Variants in DPH5 observed in about 807,000 individuals in gnomAD.
DPH5 encodes the protein diphthamide biosynthesis 5.
In DPH5, 31 loss-of-function variants were observed where a neutral mutation model predicts 31.6. That is an observed-to-expected ratio of 0.98 (90% CI 0.74 to 1.32). DPH5 has a LOEUF of 1.32. Ranked by LOEUF, DPH5 falls within the 40% of genes most tolerant of loss-of-function variation. The pLI, the probability that DPH5 is intolerant of heterozygous loss-of-function variation, is 0.00. For synonymous variants in DPH5, 120 were observed against 115.0 expected (o/e 1.04, Z -0.28); for missense variants, 309 against 335.7 (o/e 0.92, Z 0.62).
At chr1:101,013,847 A>G (rs1311672098) in intron 3 of DPH5, 29 bp from the exon 4 acceptor site, 2 of 1,539,114 alleles carry the variant, frequency 1.3e-6, no homozygotes, top group Non-Finnish European at 1.8e-6. Flanking sequence ...AGATTGGATT[A>G]AAGCAAACAA....
At chr1:101,019,884 G>C (rs1177588819) in intron 3 of DPH5, among the ~76,000 whole-genome samples, 1 of 152,022 alleles carries the variant, frequency 6.6e-6, no homozygotes, top group African/African-American at 2.4e-5. Context: ...TAGCATCTGA[G>C]CTGTATACTA....
intron 5 of DPH5, among the ~76,000 whole-genome samples, chr1:100,997,331 T>G (rs1234868635): frequency 3.3e-5 from 5 of 152,152 alleles, no homozygotes; most frequent in African/African-American, 1.2e-4. Context: ...TTCCAAAGCT[T>G]CTGAAAAGAT....
At chr1:100,999,451 T>C (rs1466176031) in intron 5 of DPH5, among the ~76,000 whole-genome samples, 1 of 152,028 alleles carries the variant, frequency 6.6e-6, no homozygotes, top group Admixed American at 6.6e-5. Context: ...CCTTGTCTCT[T>C]AAACAAACAA....
chr1:100,995,034 A>G (rs763260699), intron 6 of DPH5, 76 bp downstream of exon 6: 17 of 1,024,992 alleles, frequency 1.7e-5, no homozygotes, highest in Admixed American at 9.7e-5. Flanking sequence ...TTTAGAACTC[A>G]GGTCATTTAA....
intron 2 of DPH5, chr1:101,023,457 T>G (rs1398647168): frequency 6.6e-6 from 1 of 152,230 alleles, no homozygotes; most frequent in Non-Finnish European, 1.5e-5. Flanking sequence ...AAACAGATAT[T>G]CCAGCACCTT....
At chr1:101,000,113 C>T (rs974583600) in intron 5 of DPH5, among the ~76,000 whole-genome samples, 5 of 150,630 alleles carry the variant, frequency 3.3e-5, no homozygotes, top group Non-Finnish European at 7.4e-5. Flanking sequence ...CACCACTGCA[C>T]TCCAGCCTGG....
At chr1:100,997,717 T>G (rs994587495) in intron 5 of DPH5, among the ~76,000 whole-genome samples, 17 of 152,252 alleles carry the variant, frequency 1.1e-4, no homozygotes, top group Admixed American at 1.1e-3. Context: ...AGCCTGCCTC[T>G]CAGATTCTTC....
chr1:101,013,451 C>T (rs1016511119), intron 4 of DPH5, among the ~76,000 whole-genome samples: 1 of 152,076 alleles, frequency 6.6e-6, no homozygotes, highest in Non-Finnish European at 1.5e-5. Context: ...TTATATTTTC[C>T]TTTTTATGTA....
intron 5 of DPH5, chr1:100,995,432 C>T (rs905892893): frequency 3.7e-6 from 1 of 267,866 alleles, no homozygotes; most frequent in Non-Finnish European, 7.3e-6. Context: ...GGCATATACA[C>T]TACTAACAGC....
intron 2 of DPH5, among the ~76,000 whole-genome samples, chr1:101,024,808 A>G (rs1245261841): frequency 6.6e-6 from 1 of 152,254 alleles, no homozygotes; most frequent in African/African-American, 2.4e-5. Flanking sequence ...AATATATACA[A>G]GTGTATCAGT....
chr1:101,014,174 G>A (rs541867666), intron 3 of DPH5, among the ~76,000 whole-genome samples: 46 of 152,262 alleles, frequency 3.0e-4, no homozygotes, highest in African/African-American at 1.1e-3. Flanking sequence ...TGGTCTCAGA[G>A]CCCTTTTAAA....
chr1:101,024,422 A>T (rs150575779), intron 2 of DPH5, among the ~76,000 whole-genome samples: 1 of 152,162 alleles, frequency 6.6e-6, no homozygotes, highest in African/African-American at 2.4e-5. Context: ...CTCTCTCCAC[A>T]TATATGTATA....
At chr1:101,010,721 T>C (rs1659562898) in intron 4 of DPH5, among the ~76,000 whole-genome samples, 1 of 152,106 alleles carries the variant, frequency 6.6e-6, no homozygotes, top group East Asian at 1.9e-4. Context: ...ATCTCCCTTT[T>C]AAAAAATTGA....
intron 4 of DPH5, among the ~76,000 whole-genome samples, chr1:101,003,853 C>T (rs1011386005): frequency 1.3e-5 from 2 of 152,108 alleles, no homozygotes; most frequent in African/African-American, 2.4e-5. Flanking sequence ...GGATTTTTCA[C>T]ATCTCAGATC....
intron 5 of DPH5, among the ~76,000 whole-genome samples, chr1:101,001,197 A>C (rs936755053): frequency 8.5e-5 from 13 of 152,232 alleles, no homozygotes; most frequent in African/African-American, 3.1e-4. Flanking sequence ...CAAATGAGTA[A>C]GATATGGAAT....
intron 6 of DPH5, among the ~76,000 whole-genome samples, chr1:100,993,269 C>T (rs779048648): frequency 1.3e-4 from 19 of 151,872 alleles, no homozygotes; most frequent in Non-Finnish European, 1.9e-4. Context: ...ATAGCCATTG[C>T]AGGCCAGGCG....
intron 4 of DPH5, among the ~76,000 whole-genome samples, chr1:101,011,207 A>C (rs565818357): frequency 6.6e-6 from 1 of 152,018 alleles, no homozygotes; most frequent in South Asian, 2.1e-4. Flanking sequence ...TGTGTCATGC[A>C]TATGATTTTT....
intron 4 of DPH5, among the ~76,000 whole-genome samples, chr1:101,002,914 AC>A (rs1405426216): frequency 6.6e-6 from 1 of 152,184 alleles, no homozygotes; most frequent in Non-Finnish European, 1.5e-5. Context: ...CAGCAGCTCA[AC>A]GTTTCTCAGT....
At position 100,990,264 on chromosome 1, in the gene DPH5, T is replaced by G. The variant is rs1392596876; in HGVS notation, c.*144A>C. On this transcript the variant is annotated 3_prime_UTR_variant, in exon 8 of 8. Transcript: ENST00000370109. ...ATCATGAGAATAGCATGAGGGAAACTGCCCCCATGATTCAATTACCTACCA... is the reference window on the plus strand; with the variant it reads ...ATCATGAGAATAGCATGAGGGAAACGGCCCCCATGATTCAATTACCTACCA... 4.3e-6 allele frequency: 3 copies of G among 705,594 alleles called. No individual in the cohort carries two copies. Among genetic ancestry groups the G allele is most frequent in the Non-Finnish European group, 7.2e-6 (3 of 418,804 alleles). The allele number at this position is 705,594 out of a possible 1,614,324, so 43.7% of individuals were successfully genotyped here.
Sources: allele counts gnomAD v4.1 joint callset (sites outside exome capture counted in the v4.1 genomes callset), GRCh38; gene constraint gnomAD v4.1.1; transcripts MANE v1.5; gene names NCBI Gene and HGNC (gene_info 2026-07-23, HGNC 2026-07-21).